ALDH1A2: variants seen among roughly 807,000 people sequenced by gnomAD.
The protein encoded by ALDH1A2 is retinal dehydrogenase 2.
Under a neutral mutation model 60.3 loss-of-function variants are expected in ALDH1A2, and 27 were observed. That is an observed-to-expected ratio of 0.45 (90% CI 0.33 to 0.62). The LOEUF is 0.62. Among genes scored for constraint, ALDH1A2 ranks in the 20% least tolerant of loss-of-function variants. The pLI, the probability that ALDH1A2 is intolerant of heterozygous loss-of-function variation, is 0.02. For missense variants in ALDH1A2, 581 were observed against 643.8 expected (o/e 0.90, Z 1.06); for synonymous variants, 289 against 232.4 (o/e 1.24, Z -2.21).
At chr15:57,999,180 A>T (rs1895172501) in intron 4 of ALDH1A2, among the ~76,000 whole-genome samples, 1 of 152,176 alleles carries the variant, frequency 6.6e-6, no homozygotes, top group Admixed American at 6.5e-5. Context: ...CAATCGCAAC[A>T]AAAGCAAAAA....
intron 8 of ALDH1A2, among the ~76,000 whole-genome samples, chr15:57,965,517 C>T (rs569848519): frequency 6.6e-6 from 1 of 152,312 alleles, no homozygotes; most frequent in South Asian, 2.1e-4. Context: ...TTCAAAATGG[C>T]TCATTAGTGT....
At chr15:58,060,267 T>G (rs1896991060) in intron 1 of ALDH1A2, among the ~76,000 whole-genome samples, 1 of 152,138 alleles carries the variant, frequency 6.6e-6, no homozygotes, top group African/African-American at 2.4e-5. Context: ...TTTCCATTAA[T>G]TTAGATCTCT....
In ALDH1A2 at chr15:57,965,821, T is replaced by C. The variant is rs780438953; in HGVS notation, c.805A>G (p.Lys269Glu). The C allele has an allele frequency of 1.9e-6, 3 of 1,613,788 alleles. No individual in the cohort carries two copies. Among genetic ancestry groups the C allele is most frequent in the Non-Finnish European group, 2.5e-6 (3 of 1,179,788 alleles). The part of the protein sequence containing the change: ...IAFTGSTEVG[K>E]LIQEAAGRSN... Reference sequence around the variant, plus strand: ...CTTCCAGCTGCTTCTTGGATAAGCTTTCCAACCTGAAAGAAGGGAAATGGA... The same window carrying C: ...CTTCCAGCTGCTTCTTGGATAAGCTCTCCAACCTGAAAGAAGGGAAATGGA... Residue 269 changes from lysine (K) to glutamate (E), a missense_variant, in exon 8 of 13, where the codon AAG (lysine) becomes GAG (glutamate). Around this residue, in one of 2 missense-constraint regions of ALDH1A2, gnomAD observed 375 missense variants for 469.7 expected, o/e 0.80. Coordinates refer to ENST00000249750, the MANE Select transcript of ALDH1A2 (RefSeq NM_003888.4).
chr15:58,007,711 G>A (rs1045546764), intron 4 of ALDH1A2, among the ~76,000 whole-genome samples: 2 of 151,602 alleles, frequency 1.3e-5, no homozygotes, highest in South Asian at 2.1e-4. Flanking sequence ...CATAAAATTA[G>A]GTTGTTTTGT....
chr15:58,037,337 A>T (rs1237732615), intron 1 of ALDH1A2, among the ~76,000 whole-genome samples: 3 of 151,704 alleles, frequency 2.0e-5, no homozygotes, highest in Admixed American at 6.6e-5. Flanking sequence ...AAGGACAGTT[A>T]AAAAATGGAG....
intron 1 of ALDH1A2, among the ~76,000 whole-genome samples, chr15:58,026,518 C>T (rs34676542): frequency 0.49 from 74,995 of 151,932 alleles, 19,123 homozygotes; most frequent in Non-Finnish European, 0.57. Context: ...GGGACTGGTT[C>T]GACAGTGGGT....
intron 4 of ALDH1A2, among the ~76,000 whole-genome samples, chr15:58,003,753 T>C (rs1467044699): frequency 2.0e-5 from 3 of 151,920 alleles, no homozygotes; most frequent in Non-Finnish European, 2.9e-5. Context: ...ATACTCAAAA[T>C]GGAGAAAACA....
intron 1 of ALDH1A2, among the ~76,000 whole-genome samples, chr15:58,033,392 C>T (rs1042996649): frequency 1.3e-5 from 2 of 151,848 alleles, no homozygotes; most frequent in African/African-American, 4.8e-5. Context: ...GTTATTGTTG[C>T]TCATTTTATA....
At chr15:58,052,465 T>C (rs1394782609) in intron 1 of ALDH1A2, among the ~76,000 whole-genome samples, 4 of 152,124 alleles carry the variant, frequency 2.6e-5, no homozygotes, top group South Asian at 2.1e-4. Flanking sequence ...GGATTTATTT[T>C]TTATTTTTTT....
chr15:58,036,894 C>T (rs570083023), intron 1 of ALDH1A2, among the ~76,000 whole-genome samples: 9 of 151,700 alleles, frequency 5.9e-5, no homozygotes, highest in Admixed American at 5.9e-4. Flanking sequence ...GGAAGTATGA[C>T]CTGGAGTAGG....
At chr15:58,044,185 A>G (rs1324024303) in intron 1 of ALDH1A2, among the ~76,000 whole-genome samples, 1 of 151,902 alleles carries the variant, frequency 6.6e-6, no homozygotes, top group African/African-American at 2.4e-5. Context: ...ACATGTATAG[A>G]ATGTGTGCGT....
In ALDH1A2 at chr15:57,995,134, C is replaced by T. The variant is rs575040621; in HGVS notation, c.499G>A (p.Asp167Asn). Reference sequence around the variant, plus strand: ...TCATGTCTTGTAAAGGTAAAATAGTCTCCATCTGAAAGAAAAAAGCATGGT... The same window carrying T: ...TCATGTCTTGTAAAGGTAAAATAGTTTCCATCTGAAAGAAAAAAGCATGGT... Reference protein sequence around the residue: ...IHGMTIPVDGDYFTFTRHEPI... With the variant: ...IHGMTIPVDGNYFTFTRHEPI... Residue 167 changes from aspartate to asparagine, a missense_variant, in exon 5 of 13, where the codon GAC (aspartate) becomes AAC (asparagine). Transcript: ENST00000249750. 4 of 1,602,488 alleles carry T rather than the reference C, an allele frequency of 2.5e-6. No individual in the cohort carries two copies. In the South Asian group the frequency reaches 4.4e-5, roughly 18 times the overall value.
intron 1 of ALDH1A2, among the ~76,000 whole-genome samples, chr15:58,060,474 T>C (rs541202684): frequency 6.9e-6 from 1 of 145,796 alleles, no homozygotes; most frequent in African/African-American, 2.6e-5. Flanking sequence ...TTTTTTTTTT[T>C]TTTTTTTTTT....
intron 7 of ALDH1A2, chr15:57,979,718 A>C (rs1179497455): frequency 1.5e-5 from 4 of 265,176 alleles, no homozygotes; most frequent in Non-Finnish European, 3.0e-5. Context: ...TGGGAGCCTC[A>C]GTAGCCAGCC....
intron 1 of ALDH1A2, among the ~76,000 whole-genome samples, chr15:58,054,275 G>C (rs1343854560): frequency 6.6e-6 from 1 of 152,136 alleles, no homozygotes; most frequent in Non-Finnish European, 1.5e-5. Context: ...AGTTTGGTAA[G>C]TAAAAAAGAT....
chr15:58,060,839 T>C (rs2704225), intron 1 of ALDH1A2, among the ~76,000 whole-genome samples: 1 of 152,098 alleles, frequency 6.6e-6, no homozygotes, highest in South Asian at 2.1e-4. Context: ...CAAAAACTCC[T>C]ATCAGTATTT....
intron 1 of ALDH1A2, among the ~76,000 whole-genome samples, chr15:58,058,434 G>A (rs1555406648): frequency 7.7e-6 from 1 of 129,782 alleles, no homozygotes; most frequent in Non-Finnish European, 1.6e-5. Context: ...CTTTCTGACT[G>A]TTTAATCTTT....
intron 1 of ALDH1A2, among the ~76,000 whole-genome samples, chr15:58,058,902 A>G (rs1896958674): frequency 6.6e-6 from 1 of 152,148 alleles, no homozygotes; most frequent in Non-Finnish European, 1.5e-5. Flanking sequence ...ATTAATCCCC[A>G]CGTTTAGCCC....
chr15:58,019,235 C>A (rs947009995), intron 1 of ALDH1A2, among the ~76,000 whole-genome samples: 1 of 151,890 alleles, frequency 6.6e-6, no homozygotes, highest in Non-Finnish European at 1.5e-5. Context: ...ATTTGTTAAA[C>A]GAAGAAACGA....
Sources: gnomAD v4.1 joint callset for allele counts (sites outside exome capture counted in the v4.1 genomes callset) on GRCh38, gnomAD v4.1.1 for gene constraint, gnomAD v4.1.1 regional missense constraint, MANE v1.5 for transcripts, NCBI Gene and HGNC (gene_info 2026-07-23, HGNC 2026-07-21) for gene names.